The following PLCG2 variants were observed in gnomAD, a reference collection of about 807,000 sequenced individuals.
PLCG2 encodes the protein 1-phosphatidylinositol 4,5-bisphosphate phosphodiesterase gamma-2.
PLCG2 carries 69 observed loss-of-function variants against 175.6 expected under a neutral mutation model. The observed-to-expected ratio is 0.39, with a 90% CI of 0.32 to 0.48. PLCG2 has a LOEUF of 0.48. Among genes scored for constraint, PLCG2 ranks in the 20% least tolerant of loss-of-function variants. PLCG2 has a pLI of 0.91. For missense variants in PLCG2, 1,798 were observed against 1,650.9 expected (o/e 1.09, Z -1.54); for synonymous variants, 827 against 624.0 (o/e 1.33, Z -4.85).
chr16:81,902,030 C>T (rs1413538443), intron 14 of PLCG2, among the ~76,000 whole-genome samples: 1 of 152,208 alleles, frequency 6.6e-6, no homozygotes, highest in Admixed American at 6.5e-5. Context: ...GTCTCAGGCA[C>T]ATCCGAGTTC....
chr16:81,858,429 T>G (rs1906794798), intron 4 of PLCG2, 73 bp downstream of exon 4: 1 of 1,003,274 alleles, frequency 1.0e-6, no homozygotes, highest in South Asian at 1.3e-5. Flanking sequence ...CAACATGGGC[T>G]ACAGGGGGGA....
At chr16:81,791,277 G>T (rs1403503094) in intron 2 of PLCG2, among the ~76,000 whole-genome samples, 1 of 152,134 alleles carries the variant, frequency 6.6e-6, no homozygotes, top group Admixed American at 6.5e-5. Context: ...GGTGAGGAAT[G>T]GGGAGGGCTC....
At chr16:81,821,742 C>G (rs528701152) in intron 2 of PLCG2, among the ~76,000 whole-genome samples, 1 of 152,190 alleles carries the variant, frequency 6.6e-6, no homozygotes, top group Non-Finnish European at 1.5e-5. Context: ...TCTTTCTCCG[C>G]TAACTTGCCA....
At chr16:81,780,376 A>G (rs113035491) in intron 1 of PLCG2, among the ~76,000 whole-genome samples, 3 of 152,192 alleles carry the variant, frequency 2.0e-5, no homozygotes, top group East Asian at 1.9e-4. Flanking sequence ...GGGCGCATCC[A>G]TGGAGAGTCC....
In PLCG2 at chr16:81,809,409, C is replaced by G. The variant is rs924931688; in HGVS notation, c.193+23227C>G. On this transcript the variant is annotated intron_variant, in intron 2 of 32. Transcript: ENST00000564138. The stretch of plus-strand genomic sequence containing the variant: ...GTTCTGCACTGACTCCCAGGCTTCC[C>G]CAATGGACTTCGGCTCTATTTACTC... 2.6e-5 allele frequency among the ~76,000 whole-genome samples: 4 copies of G among 152,232 alleles called. No homozygotes were observed. The East Asian group carries it at 7.7e-4, about 29-fold the overall frequency.
chr16:81,827,950 C>T (rs1029243271), intron 2 of PLCG2, among the ~76,000 whole-genome samples: 5 of 151,824 alleles, frequency 3.3e-5, no homozygotes, highest in Non-Finnish European at 7.4e-5. Flanking sequence ...AGTAGCCAGG[C>T]ATGGTGGCGG....
chr16:81,931,511 G>A lies in PLCG2; in HGVS notation c.2596G>A (p.Gly866Arg). The part of the protein sequence containing the change: ...NTYNVVKAPQ[G>R]KNQKSFVFIL... ...CTTACCCCAAGTGAAAGCCCCTCAG[G>A]GAAAAAACCAGAAGTCCTTTGTCTT... Residue 866 changes from glycine to arginine, a missense_variant, in exon 25 of 33, where the codon GGA becomes AGA. Gly to Arg is a moderately radical substitution (Grantham distance 125). Coordinates refer to ENST00000564138, the MANE Select transcript of PLCG2 (RefSeq NM_002661.5). 1 of 1,614,004 alleles carries A rather than the reference G, an allele frequency of 6.2e-7. No homozygotes were observed. Among genetic ancestry groups the A allele is most frequent in the Non-Finnish European group, 8.5e-7 (1 of 1,179,960 alleles).
rs770867072 is a variant in PLCG2, at chr16:81,900,627, G to A, written c.1209G>A (p.Leu403=). The A allele has an allele frequency of 6.3e-7, 1 of 1,594,830 alleles. No homozygotes were observed. Among genetic ancestry groups the A allele is most frequent in the Non-Finnish European group, 8.6e-7 (1 of 1,164,166 alleles). ...AFVTSSFPVI[L]SIEEHCSVEQ... Reference sequence around the variant, plus strand: ...CTGCCTGCAGCTTCCCAGTGATCCTGTCCATCGAGGAGCACTGCAGCGTGG... The same window carrying A: ...CTGCCTGCAGCTTCCCAGTGATCCTATCCATCGAGGAGCACTGCAGCGTGG... The change falls in exon 14 of 33, where the codon CTG becomes CTA. Residue 403 remains leucine, a synonymous_variant. Transcript: ENST00000564138.
upstream of PLCG2, among the ~76,000 whole-genome samples, chr16:81,777,814 G>T (rs1368245890): frequency 6.6e-6 from 1 of 151,392 alleles, no homozygotes; most frequent in African/African-American, 2.4e-5. Flanking sequence ...TCAGGAGTTT[G>T]AGACCAATCT....
intron 2 of PLCG2, among the ~76,000 whole-genome samples, chr16:81,834,767 G>C (rs12933303): frequency 0.08 from 12,136 of 152,252 alleles, 555 homozygotes; most frequent in Non-Finnish European, 0.1. Flanking sequence ...CCCAGGACGA[G>C]GACAATCTCC....
chr16:81,783,136 A>G (rs1231758306), intron 1 of PLCG2: 1 of 492,380 alleles, frequency 2.0e-6, no homozygotes, highest in Non-Finnish European at 4.1e-6. Context: ...GTCTAATTGA[A>G]GGTGTTATAA....
At chr16:81,893,086 C>T (rs569515735) in intron 11 of PLCG2, among the ~76,000 whole-genome samples, 1 of 152,288 alleles carries the variant, frequency 6.6e-6, no homozygotes, top group South Asian at 2.1e-4. Context: ...GTCTTGAACA[C>T]CTGACCTCGT....
chr16:81,754,592 T>G (rs1909884739), intron 1 of PLCG2, among the ~76,000 whole-genome samples: 1 of 149,756 alleles, frequency 6.7e-6, no homozygotes, highest in Non-Finnish European at 1.5e-5. Flanking sequence ...ACTTCACAGT[T>G]TGTCAAGGAC....
At chr16:81,841,512 A>G (rs1905829588) in intron 2 of PLCG2, among the ~76,000 whole-genome samples, 1 of 152,146 alleles carries the variant, frequency 6.6e-6, no homozygotes, top group African/African-American at 2.4e-5. Context: ...AGGTGCTGGG[A>G]TTACAGGCAT....
upstream of PLCG2, among the ~76,000 whole-genome samples, chr16:81,778,079 C>CAAAACAAA (rs1567458056): frequency 0.043 from 4,094 of 95,810 alleles, 505 homozygotes; most frequent in East Asian, 0.052. Context: ...AACACACACA[C>CAAAACAAA]ACAAAAAAAA....
At chr16:81,945,572 G>A (rs1911117659) in intron 30 of PLCG2, among the ~76,000 whole-genome samples, 1 of 152,232 alleles carries the variant, frequency 6.6e-6, no homozygotes, top group Non-Finnish European at 1.5e-5. Context: ...AAACATTACT[G>A]AATGGGGGTG....
chr16:81,921,191 T>A lies in PLCG2; in HGVS notation c.2236-7T>A, dbSNP rs1567533506. On this transcript the variant is annotated splice_polypyrimidine_tract_variant and splice_region_variant and intron_variant, in intron 20 of 32. Transcript: ENST00000564138. The stretch of plus-strand genomic sequence containing the variant: ...TATTCCATTTCTTTCTTTCTTTTTT[T>A]TTCCAGGAAAGAGATATAAACTCCC... 6.5e-7 allele frequency: 1 copy of A among 1,549,696 alleles called. No homozygotes were observed. The highest frequency in any genetic ancestry group is 8.9e-7 in the Non-Finnish European group (1 of 1,121,072).
At chr16:81,810,988 C>T (rs1229909647) in intron 2 of PLCG2, among the ~76,000 whole-genome samples, 1 of 152,232 alleles carries the variant, frequency 6.6e-6, no homozygotes, top group Admixed American at 6.5e-5. Flanking sequence ...CGAAACTGAT[C>T]TAACAGTGGC....
At chr16:81,948,721 G>A (rs1699111097) in intron 31 of PLCG2, among the ~76,000 whole-genome samples, 1 of 152,174 alleles carries the variant, frequency 6.6e-6, no homozygotes, top group African/African-American at 2.4e-5. Flanking sequence ...CCCTCCTTAT[G>A]CCTCATCAGC....
Sources: allele counts gnomAD v4.1 joint callset (sites outside exome capture counted in the v4.1 genomes callset), GRCh38; gene constraint gnomAD v4.1.1; transcripts MANE v1.5; gene names NCBI Gene and HGNC (gene_info 2026-07-23, HGNC 2026-07-21).